YWHAH: variants seen among roughly 807,000 people sequenced by gnomAD.
The protein encoded by YWHAH is 14-3-3 protein eta.
A neutral mutation model predicts 22.9 loss-of-function variants in YWHAH; 6 were observed. The ratio of observed to expected loss-of-function variants is 0.26; its 90% CI spans 0.14 to 0.52. YWHAH has a LOEUF of 0.52. Among genes scored for constraint, YWHAH ranks in the 20% least tolerant of loss-of-function variants. YWHAH has a pLI of 0.97. For missense variants in YWHAH, 173 were observed against 308.6 expected, an observed-to-expected ratio of 0.56 and a Z score of 3.29; for synonymous variants, 135 against 124.5, an observed-to-expected ratio of 1.08 and a Z score of -0.56.
intron 1 of YWHAH, among the ~76,000 whole-genome samples, chr22:31,951,724 A>G (rs924687726): frequency 6.6e-6 from 1 of 152,196 alleles, no homozygotes; most frequent in East Asian, 1.9e-4. Context: ...TGTTGGGGGT[A>G]GTCCTGGAGC....
chr22:31,951,620 G>A (rs1338616865), intron 1 of YWHAH, among the ~76,000 whole-genome samples: 1 of 152,170 alleles, frequency 6.6e-6, no homozygotes, highest in Admixed American at 6.5e-5. Context: ...GTGAGTAGTG[G>A]GTGGAGGCCC....
chr22:31,946,162 GC>G (rs1173629968), intron 1 of YWHAH, among the ~76,000 whole-genome samples: 1 of 152,146 alleles, frequency 6.6e-6, no homozygotes, highest in Admixed American at 6.5e-5. Flanking sequence ...CAACACCGTT[GC>G]CCGTATGTTG....
At position 31,956,095 on chromosome 22, in the gene YWHAH, T is replaced by G. The variant is rs200142914; in HGVS notation, c.88-44T>G. The G allele has an allele frequency of 6.8e-4, 1,046 of 1,546,048 alleles. 3 individuals carry two copies. The highest frequency in any genetic ancestry group is 8.4e-4 in the Non-Finnish European group (964 of 1,150,372). Reference sequence around the variant, plus strand: ...TGAAGGGAAGGCTTCTTACCAAGATTTTCAGATTTTGCTTTCAATGTTTAT... The same window carrying G: ...TGAAGGGAAGGCTTCTTACCAAGATGTTCAGATTTTGCTTTCAATGTTTAT... On this transcript the variant is annotated intron_variant, in intron 1 of 1. Coordinates refer to ENST00000248975, the MANE Select transcript of YWHAH (RefSeq NM_003405.4). This position sits in a 1 kb window ranked among gnomAD's most constrained non-coding sequence, Gnocchi z 5.1.
At position 31,952,289 on chromosome 22, in the gene YWHAH, A is replaced by C. The variant is rs891970280; in HGVS notation, c.88-3850A>C. Among the ~76,000 whole-genome samples the C allele has an allele frequency of 6.6e-5, 10 of 152,284 alleles. No individual in the cohort carries two copies. In the South Asian group the frequency reaches 8.3e-4, roughly 13 times the overall value. ...TGTTTGCCTCTCAGTACAGTTTATG[A>C]CTGAACTTTTCATTAGTTCTCCTGG... On this transcript the variant is annotated intron_variant, in intron 1 of 1. Transcript: ENST00000248975.
chr22:31,947,506 T>C (rs1475427908), intron 1 of YWHAH: 1 of 471,242 alleles, frequency 2.1e-6, no homozygotes, highest in African/African-American at 2.0e-5. Context: ...AGAAAAATCG[T>C]GCATACTGGA....
Position 31,956,472 on chromosome 22 carries a change from G to C in YWHAH, c.421G>C (p.Glu141Gln). The change falls in exon 2 of 2, where the codon GAG becomes CAG. Residue 141 changes from glutamate to glutamine, a missense_variant. By Grantham distance (29) the Glu-to-Gln change is conservative (BLOSUM62 2). Transcript: ENST00000248975. This position sits in a 1 kb window ranked among gnomAD's most constrained non-coding sequence, Gnocchi z 5.1. ...YRYLAEVASG[E>Q]KKNSVVEASE... Reference sequence around the variant, plus strand: ...CTACTTAGCAGAGGTCGCTTCTGGGGAGAAGAAAAACAGTGTGGTCGAAGC... The same window carrying C: ...CTACTTAGCAGAGGTCGCTTCTGGGCAGAAGAAAAACAGTGTGGTCGAAGC... The C allele has an allele frequency of 6.2e-7, 1 of 1,614,170 alleles. No individual in the cohort carries two copies. The highest frequency in any genetic ancestry group is 8.5e-7 in the Non-Finnish European group (1 of 1,180,028).
At chr22:31,951,226 G>C (rs1434089281) in intron 1 of YWHAH, among the ~76,000 whole-genome samples, 11 of 152,016 alleles carry the variant, frequency 7.2e-5, no homozygotes, top group Admixed American at 3.3e-4. Context: ...TTCTCACACA[G>C]ACACACACAC....
At chr22:31,951,073 A>C (rs2853885) in intron 1 of YWHAH, among the ~76,000 whole-genome samples, 1,608 of 152,116 alleles carry the variant, frequency 0.011, 17 homozygotes, top group Non-Finnish European at 0.015. Flanking sequence ...TTGTATTTTT[A>C]GTAGAGATGG....
At chr22:31,954,574 C>T (rs748036166) in intron 1 of YWHAH, among the ~76,000 whole-genome samples, 11 of 152,144 alleles carry the variant, frequency 7.2e-5, no homozygotes, top group Admixed American at 4.6e-4. Context: ...TAGTTCTGGA[C>T]GCTAGAAGTT....
intron 1 of YWHAH, among the ~76,000 whole-genome samples, chr22:31,951,257 C>T (rs2093842920): frequency 6.6e-6 from 1 of 152,156 alleles, no homozygotes; most frequent in African/African-American, 2.4e-5. Flanking sequence ...ACACACACTT[C>T]TGCCAAAGAA....
chr22:31,948,051 G>A (rs1056562655), intron 1 of YWHAH, among the ~76,000 whole-genome samples: 2 of 152,200 alleles, frequency 1.3e-5, no homozygotes, highest in African/African-American at 4.8e-5. Context: ...AGTACCTGCA[G>A]AATATATATA....
At chr22:31,947,612 A>T in intron 1 of YWHAH, 1 of 407,846 alleles carries the variant, frequency 2.5e-6, no homozygotes. Context: ...TGAAGCATAA[A>T]GGAGTATCTT....
chr22:31,946,790 T>G (rs1378117369), intron 1 of YWHAH, among the ~76,000 whole-genome samples: 1 of 152,212 alleles, frequency 6.6e-6, no homozygotes, highest in Non-Finnish European at 1.5e-5. Flanking sequence ...AAGCTACTTG[T>G]GTCCATAGAT....
At chr22:31,946,845 T>C (rs1405521735) in intron 1 of YWHAH, among the ~76,000 whole-genome samples, 1 of 152,178 alleles carries the variant, frequency 6.6e-6, no homozygotes, top group Non-Finnish European at 1.5e-5. Flanking sequence ...CAAAGGAATC[T>C]ATAATATCTA....
In YWHAH at chr22:31,944,708, C is replaced by T; in HGVS notation, c.-26C>T. ...GCTAGCGAGCCAGCGGTGTGAGGCG[C>T]GAGGCGAGGCCGAGCCGCGAGCGAC... On this transcript the variant is annotated 5_prime_UTR_variant, in exon 1 of 2. Transcript: ENST00000248975. 2.2e-6 allele frequency: 3 copies of T among 1,361,648 alleles called. No individual in the cohort carries two copies. Among genetic ancestry groups the T allele is most frequent in the Non-Finnish European group, 1.9e-6 (2 of 1,047,720 alleles). The allele number at this position is 1,361,648 out of a possible 1,614,324, so 84.3% of individuals were successfully genotyped here. A position where few individuals can be genotyped will look rare whatever the true frequency, so the allele number is the denominator to read the frequency against.
intron 1 of YWHAH, among the ~76,000 whole-genome samples, chr22:31,949,805 C>T (rs550630161): frequency 1.3e-5 from 2 of 152,256 alleles, no homozygotes; most frequent in East Asian, 1.9e-4. Context: ...TCATTTTAAC[C>T]ACTATGTAAC....
In YWHAH at chr22:31,956,804, G is replaced by A. The variant is rs1049583; in HGVS notation, c.*12G>A. On this transcript the variant is annotated 3_prime_UTR_variant, in exon 2 of 2. Transcript: ENST00000248975. This position sits in a 1 kb window ranked among gnomAD's most constrained non-coding sequence, Gnocchi z 5.1. Reference sequence around the variant, plus strand: ...GAGAAGGCAACTGAAGATCCTTCAGGTCCCCTGGCCCTTCCTTCACCCACC... The same window carrying A: ...GAGAAGGCAACTGAAGATCCTTCAGATCCCCTGGCCCTTCCTTCACCCACC... 0.3 allele frequency: 471,393 copies of A among 1,565,662 alleles called. 74,632 individuals carry two copies. Among genetic ancestry groups the A allele is most frequent in the Admixed American group, 0.32 (17,205 of 52,940 alleles).
In YWHAH at chr22:31,945,247, C is replaced by T. The variant is rs534999864; in HGVS notation, c.87+427C>T. 323 of 1,143,238 alleles carry T rather than the reference C, an allele frequency of 2.8e-4. 2 individuals carry two copies. The South Asian group carries it at 5.0e-3, about 18-fold the overall frequency. 70.8% of individuals were successfully genotyped at this position (1,143,238 alleles called of 1,614,324 possible). On this transcript the variant is annotated intron_variant, in intron 1 of 1. Transcript: ENST00000248975. Reference sequence around the variant, plus strand: ...TAAAGAATCACCTAGTAAGTGGCGCCCTGTCTCAGCTGGTTTTCTCTGCCA... The same window carrying T: ...TAAAGAATCACCTAGTAAGTGGCGCTCTGTCTCAGCTGGTTTTCTCTGCCA...
At chr22:31,953,372 GTGT>G (rs1291348710) in intron 1 of YWHAH, among the ~76,000 whole-genome samples, 1 of 152,184 alleles carries the variant, frequency 6.6e-6, no homozygotes, top group Non-Finnish European at 1.5e-5. Context: ...TGATTCAGAA[GTGT>G]TGTTCGTTAA....
Sources: allele counts gnomAD v4.1 joint callset (sites outside exome capture counted in the v4.1 genomes callset), GRCh38; gene constraint gnomAD v4.1.1; non-coding constraint Gnocchi (gnomAD v3.1); transcripts MANE v1.5; gene names NCBI Gene and HGNC (gene_info 2026-07-23, HGNC 2026-07-21).